The following PCSK9 variants were observed in gnomAD, a reference collection of about 807,000 sequenced individuals.
The protein encoded by PCSK9 is convertase subtilisin/kexin type 9 preproprotein.
In PCSK9, 57 loss-of-function variants were observed where a neutral mutation model predicts 62.1. The ratio of observed to expected loss-of-function variants is 0.92; its 90% CI spans 0.74 to 1.14. The LOEUF is 1.14. PCSK9 is among the 50% of genes most tolerant of loss of function. The pLI, the probability that PCSK9 is intolerant of heterozygous loss-of-function variation, is 0.00. For missense variants in PCSK9, 870 were observed against 959.8 expected, an observed-to-expected ratio of 0.91 and a Z score of 1.24; for synonymous variants, 387 against 409.4, an observed-to-expected ratio of 0.95 and a Z score of 0.66.
intron 3 of PCSK9, chr1:55,051,177 ATC>A: frequency 2.2e-6 from 1 of 456,288 alleles, no homozygotes; most frequent in Non-Finnish European, 4.4e-6. Context: ...TGAGATGAGA[ATC>A]TCTACTCTGC....
intron 5 of PCSK9, among the ~76,000 whole-genome samples, chr1:55,054,054 G>A (rs749067699): frequency 1.3e-5 from 2 of 152,214 alleles, no homozygotes; most frequent in African/African-American, 2.4e-5. Flanking sequence ...TGTCCAGTCT[G>A]AGCACAGAGA....
In PCSK9 at chr1:55,039,803, T is replaced by C. The variant is rs2100250118; in HGVS notation, c.-35T>C. 3.8e-6 allele frequency: 6 copies of C among 1,569,018 alleles called. No individual in the cohort carries two copies. Among genetic ancestry groups the C allele is most frequent in the Non-Finnish European group, 5.2e-6 (6 of 1,158,066 alleles). On this transcript the variant is annotated 5_prime_UTR_variant, in exon 1 of 12. Transcript: ENST00000302118. ...GTGGACCGCGCACGGCCTCTAGGTC[T>C]CCTCGCCAGGACAGCAACCTCTCCC... is the stretch of plus-strand genomic sequence containing the variant.
intron 3 of PCSK9, among the ~76,000 whole-genome samples, chr1:55,047,473 G>A (rs1457565461): frequency 6.6e-6 from 1 of 152,166 alleles, no homozygotes; most frequent in Non-Finnish European, 1.5e-5. Context: ...TGGGATCTTG[G>A]GAAGCCACTT....
At chr1:55,053,727 AAGGCAAGAATC>A (rs1644693094) in intron 5 of PCSK9, among the ~76,000 whole-genome samples, 1 of 152,170 alleles carries the variant, frequency 6.6e-6, no homozygotes, top group Admixed American at 6.5e-5. Flanking sequence ...TTCAGTTTTA[AAGGCAAGAATC>A]AATAACCTTC....
chr1:55,056,420 GC>G (rs1036868224), intron 6 of PCSK9, among the ~76,000 whole-genome samples: 4 of 152,058 alleles, frequency 2.6e-5, no homozygotes, highest in African/African-American at 9.7e-5. Flanking sequence ...AATAGCAGTG[GC>G]CCCGCCATGC....
intron 3 of PCSK9, among the ~76,000 whole-genome samples, chr1:55,048,796 C>T (rs2100284554): frequency 6.6e-6 from 1 of 152,360 alleles, no homozygotes; most frequent in East Asian, 1.9e-4. Flanking sequence ...TAATGATAAC[C>T]CTCACTCTGG....
intron 6 of PCSK9, among the ~76,000 whole-genome samples, chr1:55,056,724 C>T (rs990283924): frequency 2.0e-5 from 3 of 152,164 alleles, no homozygotes; most frequent in Non-Finnish European, 2.9e-5. Flanking sequence ...GACACAGACA[C>T]GGAGCCTCGG....
In PCSK9 at chr1:55,046,513, G is replaced by A. The variant is rs758153644; in HGVS notation, c.400-10G>A. On this transcript the variant is annotated splice_polypyrimidine_tract_variant and intron_variant, in intron 2 of 11. Transcript: ENST00000302118. ...TAAGCAGAGTCCCCCGGCCTCTCTG[G>A]CTTCTGCAGGCCTTGAAGTTGCCCC... 1.9e-6 allele frequency: 3 copies of A among 1,614,046 alleles called. No individual in the cohort carries two copies. The African/African-American group carries it at 4.0e-5, about 22-fold the overall frequency.
chr1:55,051,081 C>A (rs1644669586), intron 3 of PCSK9: 20 of 452,560 alleles, frequency 4.4e-5, no homozygotes, highest in South Asian at 3.0e-4. Flanking sequence ...CTTCCCAGAG[C>A]CTTCGCTGCT....
rs1644788955 is a variant in PCSK9 at position 55,064,696 on chromosome 1, A to G, written c.*1112A>G. The G allele has an allele frequency of 6.6e-6, 1 of 152,156 alleles. No homozygotes were observed. The highest frequency in any genetic ancestry group is 2.4e-5 in the African/African-American group (1 of 41,412). 9.4% of individuals were successfully genotyped at this position (152,156 alleles called of 1,614,324 possible). On this transcript the variant is annotated 3_prime_UTR_variant, in exon 12 of 12. Transcript: ENST00000302118. ...ACCAGCCCCACCCAAGCAAGCAGAC[A>G]TTTATCTTTTGGGTCTGTCCTCTCT...
chr1:55,040,590 G>A lies in PCSK9; in HGVS notation c.207+546G>A, dbSNP rs1025193490. Among the ~76,000 whole-genome samples, 1 of 152,194 alleles carries A rather than the reference G, an allele frequency of 6.6e-6. No individual in the cohort carries two copies. Among genetic ancestry groups the A allele is most frequent in the Non-Finnish European group, 1.5e-5 (1 of 68,044 alleles). ...GAAGGACGGCAGATGCTGGGAGCAC[G>A]AGGCAATTTCTTTATGACACAGAAC... On this transcript the variant is annotated intron_variant, in intron 1 of 11. Coordinates refer to ENST00000302118, the MANE Select transcript of PCSK9 (RefSeq NM_174936.4). This position sits in a 1 kb window ranked among gnomAD's most constrained non-coding sequence, Gnocchi z 4.1.
intron 2 of PCSK9, among the ~76,000 whole-genome samples, 190 bp from the exon 3 acceptor site, chr1:55,046,333 C>T (rs1205768811): frequency 6.6e-6 from 1 of 152,180 alleles, no homozygotes; most frequent in Non-Finnish European, 1.5e-5. Flanking sequence ...GTGCTGGGCT[C>T]CCAGCCTGAT....
intron 10 of PCSK9, among the ~76,000 whole-genome samples, chr1:55,060,537 C>T (rs1644751155): frequency 6.6e-6 from 1 of 152,170 alleles, no homozygotes; most frequent in Admixed American, 6.5e-5. Flanking sequence ...TGCCCTTGTC[C>T]AGGGGAGAGG....
intron 9 of PCSK9, among the ~76,000 whole-genome samples, chr1:55,058,877 A>C (rs1230366344): frequency 6.6e-6 from 1 of 152,096 alleles, no homozygotes; most frequent in Non-Finnish European, 1.5e-5. Context: ...GGTTTCCTAG[A>C]GGCTGCAGGA....
At chr1:55,042,289 A>C (rs1047299734) in intron 1 of PCSK9, among the ~76,000 whole-genome samples, 1 of 152,182 alleles carries the variant, frequency 6.6e-6, no homozygotes, top group African/African-American at 2.4e-5. Flanking sequence ...CACCGTCTGA[A>C]ATGTAAAATG....
intron 3 of PCSK9, among the ~76,000 whole-genome samples, chr1:55,048,656 T>C (rs1307442627): frequency 2.0e-5 from 3 of 152,184 alleles, no homozygotes; most frequent in Admixed American, 6.5e-5. Context: ...TCTTCATTCA[T>C]GGGGAGGCCA....
chr1:55,060,699 A>C (rs990879791), intron 10 of PCSK9, among the ~76,000 whole-genome samples: 1 of 152,120 alleles, frequency 6.6e-6, no homozygotes, highest in Non-Finnish European at 1.5e-5. Flanking sequence ...AAAGAGCACC[A>C]TTTTGCAGCT....
In PCSK9 at chr1:55,039,826, C is replaced by G. The variant is rs182393980; in HGVS notation, c.-12C>G. 1 of 1,567,480 alleles carries G rather than the reference C, an allele frequency of 6.4e-7. No individual in the cohort carries two copies. Among genetic ancestry groups the G allele is most frequent in the Admixed American group, 1.9e-5 (1 of 52,456 alleles). ...TCTCCTCGCCAGGACAGCAACCTCT[C>G]CCCTGGCCCTCATGGGCACCGTCAG... On this transcript the variant is annotated 5_prime_UTR_variant, in exon 1 of 12. Transcript: ENST00000302118.
chr1:55,048,575 C>T (rs1405366985), intron 3 of PCSK9, among the ~76,000 whole-genome samples: 2 of 152,188 alleles, frequency 1.3e-5, no homozygotes, highest in African/African-American at 4.8e-5. Flanking sequence ...ATATCAAGGG[C>T]TTGGCTGGAG....
Sources: allele counts gnomAD v4.1 joint callset (sites outside exome capture counted in the v4.1 genomes callset), GRCh38; gene constraint gnomAD v4.1.1; non-coding constraint Gnocchi (gnomAD v3.1); transcripts MANE v1.5; gene names NCBI Gene and HGNC (gene_info 2026-07-23, HGNC 2026-07-21).